KIF24: variants seen among roughly 807,000 people sequenced by gnomAD.
KIF24 encodes the protein kinesin family member 24.
KIF24 carries 81 observed loss-of-function variants against 118.9 expected under a neutral mutation model. The ratio of observed to expected loss-of-function variants is 0.68; its 90% confidence interval spans 0.57 to 0.82. The LOEUF is 0.82. Ranked by LOEUF, KIF24 falls within the 40% of genes least tolerant of loss-of-function variation. The pLI, the probability that KIF24 is intolerant of heterozygous loss-of-function variation, is 0.00. For synonymous variants in KIF24, 599 were observed against 610.0 expected (o/e 0.98, Z 0.27); for missense variants, 1,560 against 1,661.6 (o/e 0.94, Z 1.06).
chr9:34,331,338 A>C (rs1202322813), upstream of KIF24, among the ~76,000 whole-genome samples: 1 of 152,194 alleles, frequency 6.6e-6, no homozygotes, highest in Non-Finnish European at 1.5e-5. Context: ...CAGACCCTCT[A>C]TATATGTCAT....
chr9:34,309,032 G>C lies in KIF24; in HGVS notation c.623+1692C>G, dbSNP rs866956092. ...GGAGTTTGAGGCCCCAGTGGACTAT[G>C]ACTGCACCACTGCACTCCAGCCTGG... On this transcript the variant is annotated intron_variant, in intron 2 of 12. Transcript: ENST00000402558. Among the ~76,000 whole-genome samples, 3 of 152,134 alleles carry C rather than the reference G, an allele frequency of 2.0e-5. No homozygotes were observed. In the South Asian group the frequency reaches 6.2e-4, roughly 32 times the overall value.
rs371839590 is a variant in KIF24, at chr9:34,259,563, TACAC to T, written c.1625+29_1625+32del. The T allele has an allele frequency of 7.7e-5, 118 of 1,527,644 alleles. No individual in the cohort carries two copies. The African/African-American group carries it at 7.9e-4, about 10-fold the overall frequency. 94.6% of individuals were successfully genotyped at this position (1,527,644 alleles called of 1,614,324 possible). ...CTGCACAGACATGCACATGCACACT[TACAC>T]ACAACCTGCCATCTGGGAGCTGACT... On this transcript the variant is annotated intron_variant, in intron 10 of 12. Coordinates refer to ENST00000402558, the MANE Select transcript of KIF24 (RefSeq NM_194313.4).
intron 1 of KIF24, among the ~76,000 whole-genome samples, chr9:34,321,545 G>C (rs1446177846): frequency 7.4e-6 from 1 of 135,440 alleles, no homozygotes; most frequent in Non-Finnish European, 1.6e-5. Flanking sequence ...AACAGGCACA[G>C]TGATCTACCG....
chr9:34,271,841 C>A lies in KIF24; in HGVS notation c.1305G>T (p.Gln435His), dbSNP rs748570784. 4.3e-6 allele frequency: 7 copies of A among 1,612,730 alleles called. No homozygotes were observed. The highest frequency in any genetic ancestry group is 1.3e-5 in the African/African-American group (1 of 75,054). ...ATGTCCTCTTGGCTGAATCTTTGAT[C>A]TGAATTTGGATGACGGCATGGGAGC... ...SSRSHAVIQI[Q>H]IKDSAKRTFG... The change falls in exon 7 of 13, where the codon CAG becomes CAT. Residue 435 changes from glutamine (Q) to histidine (H), a missense_variant. Gln to His is a conservative substitution (Grantham distance 24). Transcript: ENST00000402558.
rs532312936 is a variant in KIF24 at position 34,318,386 on chromosome 9, G to A, written c.-25-7015C>T. ...CCCTGACAGGTCCATCGTGGTGCAC[G>A]CAAACCACCTCCCAGCCACGCGCTC... On this transcript the variant is annotated intron_variant, in intron 1 of 12. Transcript: ENST00000402558. This position sits in a 1 kb window ranked among gnomAD's most constrained non-coding sequence, Gnocchi z 4.9. The A allele has an allele frequency of 5.2e-4, 251 of 485,878 alleles. No individual in the cohort carries two copies. The highest frequency in any genetic ancestry group is 3.3e-3 in the African/African-American group (165 of 50,692). The allele number at this position is 485,878 out of a possible 1,614,324, so 30.1% of individuals were successfully genotyped here. A position where few individuals can be genotyped will look rare whatever the true frequency, so the allele number is the denominator to read the frequency against.
At chr9:34,267,291 A>T (rs1030591028) in intron 8 of KIF24, among the ~76,000 whole-genome samples, 11 of 152,100 alleles carry the variant, frequency 7.2e-5, no homozygotes, top group Non-Finnish European at 1.3e-4. Context: ...AAATAAAATA[A>T]AAAATAAAGG....
At chr9:34,319,414 G>A (rs1437596018) in intron 1 of KIF24, 5 of 953,554 alleles carry the variant, frequency 5.2e-6, no homozygotes, top group Middle Eastern at 2.1e-4. Context: ...AACTTGTCAC[G>A]CATGCCACAC....
chr9:34,313,707 C>T (rs1470156421), intron 1 of KIF24, among the ~76,000 whole-genome samples: 1 of 150,788 alleles, frequency 6.6e-6, no homozygotes, highest in Admixed American at 6.6e-5. Flanking sequence ...ATATCCCCTG[C>T]CTCTCACATG....
At chr9:34,281,156 G>C (rs1170286520) in intron 6 of KIF24, among the ~76,000 whole-genome samples, 1 of 152,072 alleles carries the variant, frequency 6.6e-6, no homozygotes, top group Non-Finnish European at 1.5e-5. Context: ...CTCCCAAGTA[G>C]CTGGGATTAC....
intron 4 of KIF24, among the ~76,000 whole-genome samples, chr9:34,291,604 G>C (rs1045797705): frequency 6.6e-6 from 1 of 152,188 alleles, no homozygotes; most frequent in Non-Finnish European, 1.5e-5. Flanking sequence ...ATAAGAGGTG[G>C]AGAATGGAGT....
chr9:34,311,162 T>C lies in KIF24; in HGVS notation c.185A>G (p.Lys62Arg). Residue 62 changes from lysine to arginine, a missense_variant, in exon 2 of 13, where the codon AAG (lysine) becomes AGG (arginine). This residue lies in a region of KIF24 where 964 missense variants were observed against 988.0 expected (regional missense o/e 0.98). Transcript: ENST00000402558. ...KRLFQLIKII[K>R]IMQEEDKAVS... The stretch of plus-strand genomic sequence containing the variant: ...TGCTTTATCTTCTTCTTGCATAATC[T>C]TAATAATTTTGATAAGTTGGAAGAG... 1 of 1,613,538 alleles carries C rather than the reference T, an allele frequency of 6.2e-7. No homozygotes were observed. The highest frequency in any genetic ancestry group is 8.5e-7 in the Non-Finnish European group (1 of 1,179,554).
intron 1 of KIF24, among the ~76,000 whole-genome samples, chr9:34,313,738 G>GTTTTTTTTT (rs5897567): frequency 7.7e-6 from 1 of 130,358 alleles, no homozygotes; most frequent in Non-Finnish European, 1.6e-5. Flanking sequence ...CCCGTTATCT[G>GTTTTTTTTT]TTTTTTTTTT....
intron 8 of KIF24, among the ~76,000 whole-genome samples, chr9:34,266,844 C>A (rs1835313052): frequency 6.6e-6 from 1 of 151,808 alleles, no homozygotes; most frequent in Non-Finnish European, 1.5e-5. Flanking sequence ...TAGGGTTGTA[C>A]CAAAAAGACA....
At position 34,290,158 on chromosome 9, in the gene KIF24, C is replaced by G. The variant is rs1472027444; in HGVS notation, c.1127+16G>C. ...AGCGATGAACAGATTTATCGCTTCC[C>G]ACTCATATTCAGTACCTTTTTCTTC... On this transcript the variant is annotated intron_variant, in intron 5 of 12. Transcript: ENST00000402558. The G allele has an allele frequency of 1.9e-6, 3 of 1,554,396 alleles. No homozygotes were observed. The highest frequency in any genetic ancestry group is 2.7e-6 in the Non-Finnish European group (3 of 1,128,390).
rs746430346 is a variant in KIF24, at chr9:34,256,612, C to G, written c.2995G>C (p.Asp999His). 1 of 1,613,972 alleles carries G rather than the reference C, an allele frequency of 6.2e-7. No individual in the cohort carries two copies. The highest frequency in any genetic ancestry group is 1.1e-5 in the South Asian group (1 of 91,080). The change falls in exon 11 of 13, where the codon GAC (aspartate) becomes CAC (histidine). Residue 999 changes from aspartate (D) to histidine (H), a missense_variant. Coordinates refer to ENST00000402558, the MANE Select transcript of KIF24 (RefSeq NM_194313.4). ...GGTGTGGTGACTGTGTCTCTTTGGT[C>G]TGGGGATCCAGGAACTGCAACGTGG... ...LSHVAVPGSP[D>H]QRDTVTTPLR...
intron 6 of KIF24, among the ~76,000 whole-genome samples, chr9:34,272,555 G>A (rs1451684536): frequency 6.6e-6 from 1 of 152,212 alleles, no homozygotes; most frequent in Non-Finnish European, 1.5e-5. Context: ...TGAAAACACA[G>A]CCATTTAAGA....
At chr9:34,330,175 G>A (rs1347378922), upstream of KIF24, among the ~76,000 whole-genome samples, 2 of 152,180 alleles carry the variant, frequency 1.3e-5, no homozygotes, top group African/African-American at 2.4e-5. Flanking sequence ...AGGCCAAGGC[G>A]GGCGGATCAC....
At position 34,284,123 on chromosome 9, in the gene KIF24, C is replaced by CG. The variant is rs773282855; in HGVS notation, c.1215+2493_1215+2494insC. Among the ~76,000 whole-genome samples the CG allele has an allele frequency of 8.9e-4, 135 of 151,910 alleles. 1 individual carries two copies. The highest frequency in any genetic ancestry group is 5.2e-4 in the Non-Finnish European group (35 of 67,906). On this transcript the variant is annotated intron_variant, in intron 6 of 12. Coordinates refer to ENST00000402558, the MANE Select transcript of KIF24 (RefSeq NM_194313.4). ...TCTCTACAAAGAATAAAAAAATTAGCCAAGTGTGGTGGCATATGCTTGTGG... is the reference window on the plus strand; with the variant it reads ...TCTCTACAAAGAATAAAAAAATTAGCGCAAGTGTGGTGGCATATGCTTGTGG...
At chr9:34,269,227 T>C in intron 8 of KIF24, 30 bp downstream of exon 8, 2 of 1,355,878 alleles carry the variant, frequency 1.5e-6, no homozygotes, top group Non-Finnish European at 2.1e-6. Context: ...TCAAGAAGGA[T>C]TTTTAGATTA....
Sources: allele counts gnomAD v4.1 joint callset (sites outside exome capture counted in the v4.1 genomes callset), GRCh38; gene constraint gnomAD v4.1.1; regional missense constraint gnomAD v4.1.1; non-coding constraint Gnocchi (gnomAD v3.1); transcripts MANE v1.5; gene names NCBI Gene and HGNC (gene_info 2026-07-23, HGNC 2026-07-21).